OSBP2: variants seen among roughly 807,000 people sequenced by gnomAD.
The protein encoded by OSBP2 is oxysterol-binding protein 2.
In OSBP2, 66 loss-of-function variants were observed where a neutral mutation model predicts 96.0. The ratio of observed to expected loss-of-function variants is 0.69; its 90% confidence interval spans 0.56 to 0.84. The LOEUF is 0.84. OSBP2 is among the 40% of genes least tolerant of loss of function. The pLI, the probability that OSBP2 is intolerant of heterozygous loss-of-function variation, is 0.00. For synonymous variants in OSBP2, 525 were observed against 520.9 expected (o/e 1.01, Z -0.11); for missense variants, 1,038 against 1,222.7 (o/e 0.85, Z 2.25).
intron 2 of OSBP2, among the ~76,000 whole-genome samples, chr22:30,858,268 TC>T (rs1185874433): frequency 6.6e-6 from 1 of 150,848 alleles, no homozygotes; most frequent in Admixed American, 6.6e-5. Context: ...TGCCTCAGCC[TC>T]CCCAGTAGCT....
intron 2 of OSBP2, among the ~76,000 whole-genome samples, chr22:30,826,389 C>T (rs2038406018): frequency 6.6e-6 from 1 of 152,202 alleles, no homozygotes; most frequent in African/African-American, 2.4e-5. Flanking sequence ...GGCCTAGCCT[C>T]ATAGCATGCC....
In OSBP2 at chr22:30,751,416, G is replaced by A. The variant is rs187714618; in HGVS notation, c.853+10047G>A. On this transcript the variant is annotated intron_variant, in intron 2 of 13. Coordinates refer to ENST00000332585, the MANE Select transcript of OSBP2 (RefSeq NM_030758.4). Reference sequence around the variant, plus strand: ...GTCATCCAGGCTGGAGTGCAGTGGCGTGATCTCGGCTCACTGCAACCCCCA... The same window carrying A: ...GTCATCCAGGCTGGAGTGCAGTGGCATGATCTCGGCTCACTGCAACCCCCA... Among the ~76,000 whole-genome samples the A allele has an allele frequency of 3.9e-5, 6 of 151,952 alleles. No individual in the cohort carries two copies. In the East Asian group the frequency reaches 7.8e-4, roughly 20 times the overall value.
At chr22:30,808,676 C>T (rs1331520870) in intron 2 of OSBP2, among the ~76,000 whole-genome samples, 2 of 152,064 alleles carry the variant, frequency 1.3e-5, no homozygotes, top group Non-Finnish European at 2.9e-5. Flanking sequence ...GGACTTATGC[C>T]GGGCGTGGTG....
At chr22:30,749,634 G>A (rs2090048648) in intron 2 of OSBP2, among the ~76,000 whole-genome samples, 1 of 152,120 alleles carries the variant, frequency 6.6e-6, no homozygotes, top group South Asian at 2.1e-4. Flanking sequence ...TTGAGATGGA[G>A]TCTTGCTCTG....
intron 2 of OSBP2, among the ~76,000 whole-genome samples, chr22:30,802,898 T>C (rs2090872745): frequency 6.6e-6 from 1 of 151,898 alleles, no homozygotes; most frequent in East Asian, 1.9e-4. Context: ...CTCCTCTAGG[T>C]CCGGCTGCTC....
intron 2 of OSBP2, among the ~76,000 whole-genome samples, chr22:30,819,049 C>T (rs907035172): frequency 4.6e-5 from 7 of 152,150 alleles, no homozygotes; most frequent in Non-Finnish European, 8.8e-5. Flanking sequence ...AAAAGACACC[C>T]GTGGGCCAGG....
At chr22:30,699,470 C>T (rs1322179852) in intron 1 of OSBP2, among the ~76,000 whole-genome samples, 2 of 152,132 alleles carry the variant, frequency 1.3e-5, no homozygotes, top group Non-Finnish European at 1.5e-5. Context: ...GTTCATCTTA[C>T]GTAATGCCAA....
intron 1 of OSBP2, among the ~76,000 whole-genome samples, chr22:30,707,257 C>A (rs374458810): frequency 2.0e-5 from 3 of 152,024 alleles, no homozygotes; most frequent in Admixed American, 6.6e-5. Context: ...CTGCCACGCC[C>A]GGCTAATTTT....
At chr22:30,717,962 G>T (rs190052953) in intron 1 of OSBP2, among the ~76,000 whole-genome samples, 5 of 152,310 alleles carry the variant, frequency 3.3e-5, no homozygotes, top group Admixed American at 3.3e-4. Flanking sequence ...TTTAAACTCT[G>T]AGGTTAAAGC....
intron 3 of OSBP2, among the ~76,000 whole-genome samples, chr22:30,878,318 C>G (rs949931908): frequency 6.6e-6 from 1 of 152,350 alleles, no homozygotes; most frequent in Non-Finnish European, 1.5e-5. Flanking sequence ...GGCAAGTGCT[C>G]GGAGACCCTT....
At chr22:30,824,333 G>A (rs1022773855) in intron 2 of OSBP2, among the ~76,000 whole-genome samples, 2 of 152,186 alleles carry the variant, frequency 1.3e-5, no homozygotes, top group Non-Finnish European at 2.9e-5. Context: ...GCACCGGAGG[G>A]AGGAGGCCCA....
intron 2 of OSBP2, among the ~76,000 whole-genome samples, chr22:30,766,286 T>C (rs2090268622): frequency 6.6e-6 from 1 of 152,134 alleles, no homozygotes; most frequent in Non-Finnish European, 1.5e-5. Flanking sequence ...TAGTTTCTGT[T>C]TCTCTGGTGG....
intron 2 of OSBP2, among the ~76,000 whole-genome samples, chr22:30,790,303 AG>A (rs567426388): frequency 0.018 from 2,723 of 150,638 alleles, 44 homozygotes; most frequent in Admixed American, 0.031. Flanking sequence ...CTTTTTAAGG[AG>A]GGGGGGGCGG....
intron 12 of OSBP2, among the ~76,000 whole-genome samples, chr22:30,904,611 T>C (rs547282509): frequency 1.3e-4 from 19 of 151,126 alleles, no homozygotes; most frequent in Middle Eastern, 3.2e-3. Flanking sequence ...TATATATATA[T>C]ACACACATTA....
chr22:30,823,625 C>T (rs114781992), intron 2 of OSBP2, among the ~76,000 whole-genome samples: 85 of 152,358 alleles, frequency 5.6e-4, no homozygotes, highest in African/African-American at 2.0e-3. Context: ...TTCCAGAGGA[C>T]TTCGAAGTTG....
At chr22:30,831,824 T>C (rs1288846882) in intron 2 of OSBP2, among the ~76,000 whole-genome samples, 2 of 152,126 alleles carry the variant, frequency 1.3e-5, no homozygotes, top group African/African-American at 2.4e-5. Context: ...AGGCCACTTA[T>C]GGCCACCAAC....
At chr22:30,795,803 G>A (rs1474067821) in intron 2 of OSBP2, among the ~76,000 whole-genome samples, 1 of 152,210 alleles carries the variant, frequency 6.6e-6, no homozygotes, top group Non-Finnish European at 1.5e-5. Context: ...ACAGGCATGA[G>A]CCACCCTGCC....
intron 2 of OSBP2, among the ~76,000 whole-genome samples, chr22:30,793,965 A>G (rs1234556361): frequency 6.6e-6 from 1 of 152,252 alleles, no homozygotes; most frequent in African/African-American, 2.4e-5. Flanking sequence ...GTACATCCAT[A>G]CACTGGAATA....
At position 30,906,365 on chromosome 22, in the gene OSBP2, C is replaced by A; in HGVS notation, c.*26C>A. On this transcript the variant is annotated 3_prime_UTR_variant, in exon 14 of 14. Coordinates refer to ENST00000332585, the MANE Select transcript of OSBP2 (RefSeq NM_030758.4). ...GCGCCACCCTTGCAACAAATACAGG[C>A]GCCTGCACAGCCTGGCCCACCTGTT... 1.9e-6 allele frequency: 3 copies of A among 1,570,790 alleles called. No individual in the cohort carries two copies. Among genetic ancestry groups the A allele is most frequent in the Non-Finnish European group, 2.6e-6 (3 of 1,157,686 alleles).
Sources: allele counts gnomAD v4.1 joint callset (sites outside exome capture counted in the v4.1 genomes callset), GRCh38; gene constraint gnomAD v4.1.1; transcripts MANE v1.5; gene names NCBI Gene and HGNC (gene_info 2026-07-23, HGNC 2026-07-21).